MIB1: variants seen among roughly 807,000 people sequenced by gnomAD.
MIB1 encodes E3 ubiquitin-protein ligase MIB1.
Under a neutral mutation model 124.5 loss-of-function variants are expected in MIB1, and 278 were observed. The observed-to-expected ratio is 2.23, with a 90% CI of 2.02 to 2.47. The LOEUF is 2.47. MIB1 is among the 30% of genes most tolerant of loss of function. The pLI is 0.00. For synonymous variants in MIB1, 446 were observed against 429.4 expected, an observed-to-expected ratio of 1.04 and a Z score of -0.48; for missense variants, 957 against 1,254.4, an observed-to-expected ratio of 0.76 and a Z score of 3.58.
At chr18:21,808,672 C>G (rs1041569455) in intron 10 of MIB1, among the ~76,000 whole-genome samples, 1 of 152,050 alleles carries the variant, frequency 6.6e-6, no homozygotes, top group Non-Finnish European at 1.5e-5. Flanking sequence ...CTACTGAATT[C>G]AGTAGGATTA....
chr18:21,741,885 G>A lies in MIB1; in HGVS notation c.229+73G>A. 1.5e-6 allele frequency: 2 copies of A among 1,355,164 alleles called. No individual in the cohort carries two copies. Among genetic ancestry groups the A allele is most frequent in the South Asian group, 1.4e-5 (1 of 71,332 alleles). 83.9% of individuals were successfully genotyped at this position (1,355,164 alleles called of 1,614,324 possible). On this transcript the variant is annotated intron_variant, in intron 1 of 20. Transcript: ENST00000261537. The surrounding 1 kb of genome is among the most constrained non-coding windows in gnomAD (Gnocchi z 5.4). The stretch of plus-strand genomic sequence containing the variant: ...GCGAGCTGCGGTGGGCGTCGGTGTC[G>A]CGGGGAGAGGTCTGCAGTGGGACAC...
chr18:21,791,323 A>G (rs368650024), intron 6 of MIB1, 51 bp from the exon 7 acceptor site: 57 of 1,447,442 alleles, frequency 3.9e-5, no homozygotes, highest in Non-Finnish European at 4.9e-5. Context: ...AGAATTTTGT[A>G]TTAAAATTAA....
intron 1 of MIB1, among the ~76,000 whole-genome samples, chr18:21,744,043 A>G (rs546409714): frequency 1.1e-4 from 17 of 150,210 alleles, no homozygotes; most frequent in African/African-American, 3.9e-4. Context: ...GCCAACCTTC[A>G]TATGAAATAC....
At chr18:21,861,596 A>G (rs1025560663) in intron 20 of MIB1, among the ~76,000 whole-genome samples, 3 of 151,622 alleles carry the variant, frequency 2.0e-5, no homozygotes, top group African/African-American at 7.3e-5. Flanking sequence ...TTTTATCAAA[A>G]CTCATCTTAT....
intron 2 of MIB1, 150 bp from the exon 3 acceptor site, chr18:21,768,473 G>C (rs927687531): frequency 4.2e-6 from 2 of 472,238 alleles, no homozygotes; most frequent in African/African-American, 4.0e-5. Flanking sequence ...GAATATAAAA[G>C]GTATTCCTGT....
In MIB1 at chr18:21,719,128, C is replaced by T. The variant is rs572553958; in HGVS notation, n.167+14005C>T. Reference sequence around the variant, plus strand: ...GTTTGAACCCAGGAGGCGGAGGTTGCAGTGAGCCAAGATCATGCCATTGCA... The same window carrying T: ...GTTTGAACCCAGGAGGCGGAGGTTGTAGTGAGCCAAGATCATGCCATTGCA... On this transcript the variant is annotated intron_variant and non_coding_transcript_variant, in intron 1 of 20. Coordinates refer to the MIB1 transcript ENST00000578646. Among the ~76,000 whole-genome samples, 3 of 150,464 alleles carry T rather than the reference C, an allele frequency of 2.0e-5. No homozygotes were observed. In the East Asian group the frequency reaches 5.9e-4, roughly 30 times the overall value.
intron 9 of MIB1, among the ~76,000 whole-genome samples, chr18:21,800,276 T>C (rs950626238): frequency 2.0e-5 from 3 of 152,130 alleles, no homozygotes; most frequent in Admixed American, 6.6e-5. Flanking sequence ...AAACATCATT[T>C]TATGACATCT....
chr18:21,842,631 G>T (rs2042101675), intron 13 of MIB1, among the ~76,000 whole-genome samples: 2 of 152,108 alleles, frequency 1.3e-5, no homozygotes, highest in South Asian at 4.1e-4. Flanking sequence ...TTTTATGTAC[G>T]AATTAAGCAT....
intron 1 of MIB1, among the ~76,000 whole-genome samples, chr18:21,719,212 A>T (rs2040703182): frequency 6.6e-6 from 1 of 151,632 alleles, no homozygotes; most frequent in Admixed American, 6.6e-5. Context: ...AAATTTAGCC[A>T]GGCATGGTAG....
In MIB1 at chr18:21,791,492, T is replaced by C; in HGVS notation, c.1027T>C (p.Tyr343His). 6.2e-7 allele frequency: 1 copy of C among 1,614,116 alleles called. No homozygotes were observed. Among genetic ancestry groups the C allele is most frequent in the Non-Finnish European group, 8.5e-7 (1 of 1,179,980 alleles). ...AGTGGGTGATCTTGTACAAGTTTGTTATGACCTGGAACGAATTAAACTTCT... is the reference window on the plus strand; with the variant it reads ...AGTGGGTGATCTTGTACAAGTTTGTCATGACCTGGAACGAATTAAACTTCT... Reference protein sequence around the residue: ...FQVGDLVQVCYDLERIKLLQR... With the variant: ...FQVGDLVQVCHDLERIKLLQR... The change falls in exon 7 of 21, where the codon TAT (tyrosine) becomes CAT (histidine). Residue 343 changes from tyrosine (Y) to histidine (H), a missense_variant. By Grantham distance (83) the Tyr-to-His change is moderately conservative (BLOSUM62 2). Transcript: ENST00000261537.
intron 1 of MIB1, among the ~76,000 whole-genome samples, chr18:21,728,162 C>T (rs1372810200): frequency 6.6e-6 from 1 of 152,200 alleles, no homozygotes; most frequent in Non-Finnish European, 1.5e-5. Context: ...TCTCTCTTAT[C>T]AGCAATTAAA....
chr18:21,853,929 A>G (rs1189246246), intron 18 of MIB1, among the ~76,000 whole-genome samples: 1 of 146,234 alleles, frequency 6.8e-6, no homozygotes, highest in East Asian at 2.0e-4. Flanking sequence ...CAGTGGCACA[A>G]TCTCGGCTCA....
intron 1 of MIB1, among the ~76,000 whole-genome samples, chr18:21,759,518 C>T (rs1471643481): frequency 6.6e-6 from 1 of 152,006 alleles, no homozygotes; most frequent in African/African-American, 2.4e-5. Context: ...TGGGATTACA[C>T]TTGTGAGCCA....
At chr18:21,788,501 A>C (rs1539867) in intron 6 of MIB1, among the ~76,000 whole-genome samples, 7,763 of 152,314 alleles carry the variant, frequency 0.051, 397 homozygotes, top group African/African-American at 0.12. Flanking sequence ...GAAAAACCAC[A>C]GCTAACATCA....
Position 21,846,996 on chromosome 18 carries a change from T to C in MIB1, c.2264T>C (p.Ile755Thr). Reference sequence around the variant, plus strand: ...GCAGAGAAGAAGAGTGCAGCATCTATTGCCTGTTTCTTGGCAGCCAATGGT... The same window carrying C: ...GCAGAGAAGAAGAGTGCAGCATCTACTGCCTGTTTCTTGGCAGCCAATGGT... ...QGAEKKSAASIACFLAANGAD... is the reference protein window; with the variant it reads ...QGAEKKSAASTACFLAANGAD... Residue 755 changes from isoleucine (I) to threonine (T), a missense_variant, in exon 16 of 21, where the codon ATT becomes ACT. Coordinates refer to ENST00000261537, the MANE Select transcript of MIB1 (RefSeq NM_020774.4). The C allele has an allele frequency of 6.2e-7, 1 of 1,614,160 alleles. No individual in the cohort carries two copies. Among genetic ancestry groups the C allele is most frequent in the Non-Finnish European group, 8.5e-7 (1 of 1,180,014 alleles).
intron 12 of MIB1, chr18:21,827,967 T>C (rs1471094931): frequency 6.6e-6 from 1 of 152,024 alleles, no homozygotes; most frequent in Non-Finnish European, 1.5e-5. Flanking sequence ...ATTACTCTTA[T>C]TTTCTAACTT....
At chr18:21,797,770 A>C (rs113732983) in intron 7 of MIB1, among the ~76,000 whole-genome samples, 81 of 152,146 alleles carry the variant, frequency 5.3e-4, no homozygotes, top group African/African-American at 1.8e-3. Flanking sequence ...TTGAGTTGCA[A>C]GTTCTCAAAA....
At chr18:21,731,085 T>G (rs928376201) in intron 1 of MIB1, among the ~76,000 whole-genome samples, 6 of 152,198 alleles carry the variant, frequency 3.9e-5, no homozygotes, top group African/African-American at 1.4e-4. Flanking sequence ...ATTTCTTTGA[T>G]CCATTAAAAT....
intron 7 of MIB1, among the ~76,000 whole-genome samples, chr18:21,796,062 T>C (rs2041575290): frequency 6.6e-6 from 1 of 152,180 alleles, no homozygotes; most frequent in South Asian, 2.1e-4. Flanking sequence ...ACAAAACAAA[T>C]GTCTTCTTTT....
Sources: allele counts gnomAD v4.1 joint callset (sites outside exome capture counted in the v4.1 genomes callset), GRCh38; gene constraint gnomAD v4.1.1; non-coding constraint Gnocchi (gnomAD v3.1); transcripts MANE v1.5; gene names NCBI Gene and HGNC (gene_info 2026-07-23, HGNC 2026-07-21).